The following GNAI1 variants were observed in gnomAD, a reference collection of about 807,000 sequenced individuals.
The protein encoded by GNAI1 is guanine nucleotide-binding protein G(i) subunit alpha-1.
Under a neutral mutation model 38.9 loss-of-function variants are expected in GNAI1, and 11 were observed. The ratio of observed to expected loss-of-function variants is 0.28; its 90% CI spans 0.18 to 0.47. The LOEUF (loss-of-function observed/expected upper bound fraction) is 0.47, where lower values mean the gene tolerates loss of function less well. Among genes scored for constraint, GNAI1 ranks in the 20% least tolerant of loss-of-function variants. GNAI1 has a pLI of 0.99. For synonymous variants in GNAI1, 166 were observed against 145.1 expected, an observed-to-expected ratio of 1.14 and a Z score of -1.04; for missense variants, 317 against 436.9, an observed-to-expected ratio of 0.73 and a Z score of 2.45.
chr7:80,143,742 C>G (rs988294281), intron 1 of GNAI1, among the ~76,000 whole-genome samples: 1 of 152,088 alleles, frequency 6.6e-6, no homozygotes, highest in African/African-American at 2.4e-5. Context: ...TAAGCTAATG[C>G]ATCTGAAGTA....
At position 80,225,202 on chromosome 7, in the gene GNAI1, TG is replaced by T. The variant is rs1161163065; in HGVS notation, c.*7710del. Among the ~76,000 whole-genome samples the T allele has an allele frequency of 6.6e-6, 1 of 152,208 alleles. No individual in the cohort carries two copies. On this transcript the variant is annotated 3_prime_UTR_variant, in exon 8 of 8. Transcript: ENST00000649796. ...TGGTTTGGTGTAATATAGCCTTTCC[TG>T]TGGGGGGAAAACCCATCTCATTTTC...
At chr7:80,201,499 G>T (rs141216588) in intron 4 of GNAI1, among the ~76,000 whole-genome samples, 1 of 152,010 alleles carries the variant, frequency 6.6e-6, no homozygotes, top group African/African-American at 2.4e-5. Context: ...TGAGAGGATC[G>T]CTTGAGCCCA....
At chr7:80,169,467 G>A (rs1324205152) in intron 1 of GNAI1, among the ~76,000 whole-genome samples, 1 of 152,112 alleles carries the variant, frequency 6.6e-6, no homozygotes, top group African/African-American at 2.4e-5. Context: ...TCAGCAAATT[G>A]TGTATTCAGA....
intron 1 of GNAI1, among the ~76,000 whole-genome samples, chr7:80,172,142 T>A (rs1325697312): frequency 6.6e-6 from 1 of 152,234 alleles, no homozygotes; most frequent in Non-Finnish European, 1.5e-5. Context: ...TTGTCCTGGC[T>A]ATGTCTATGA....
intron 1 of GNAI1, among the ~76,000 whole-genome samples, chr7:80,149,956 C>A (rs1204990918): frequency 2.0e-5 from 3 of 152,114 alleles, no homozygotes; most frequent in African/African-American, 7.2e-5. Flanking sequence ...AACCTACATA[C>A]CCTAACAAAG....
chr7:80,199,895 T>G (rs1168121978), intron 4 of GNAI1, among the ~76,000 whole-genome samples: 1 of 152,142 alleles, frequency 6.6e-6, no homozygotes, highest in Non-Finnish European at 1.5e-5. Flanking sequence ...AATTGTCAGT[T>G]GTGTGTGTGC....
intron 1 of GNAI1, among the ~76,000 whole-genome samples, chr7:80,152,736 TA>T (rs1314628379): frequency 3.3e-5 from 5 of 151,866 alleles, no homozygotes; most frequent in Non-Finnish European, 7.4e-5. Flanking sequence ...AATTTTTAAA[TA>T]TTTTTTTAGT....
intron 1 of GNAI1, among the ~76,000 whole-genome samples, chr7:80,180,441 A>T (rs1213379087): frequency 6.6e-6 from 1 of 152,114 alleles, no homozygotes; most frequent in Non-Finnish European, 1.5e-5. Flanking sequence ...TTGATTTGGC[A>T]TACCTCTTCT....
intron 1 of GNAI1, 97 bp downstream of exon 1, chr7:80,135,375 A>G (rs1469045114): frequency 8.8e-6 from 6 of 680,596 alleles, no homozygotes; most frequent in Non-Finnish European, 1.3e-5. Context: ...AAGGGGGAGG[A>G]AGCGCCCGAG....
intron 4 of GNAI1, among the ~76,000 whole-genome samples, chr7:80,202,379 C>T (rs1259775565): frequency 6.6e-6 from 1 of 152,148 alleles, no homozygotes; most frequent in African/African-American, 2.4e-5. Flanking sequence ...CCAGCCACCA[C>T]GCCTGGCGAA....
At position 80,168,197 on chromosome 7, in the gene GNAI1, AG is replaced by A. The variant is rs570955342; in HGVS notation, c.119-20752del. Among the ~76,000 whole-genome samples, 761 of 152,272 alleles carry A rather than the reference AG, an allele frequency of 5.0e-3. 2 individuals are homozygous for A. The highest frequency in any genetic ancestry group is 8.1e-3 in the Non-Finnish European group (554 of 68,028). On this transcript the variant is annotated intron_variant, in intron 1 of 7. Transcript: ENST00000649796. ...GAATATACAAGAAATGGCATTTGAC[AG>A]GTGCTCTAGAAATCTCTAGTCATGT... is the stretch of plus-strand genomic sequence containing the variant.
intron 1 of GNAI1, among the ~76,000 whole-genome samples, chr7:80,168,211 T>G (rs1203513382): frequency 6.6e-6 from 1 of 152,052 alleles, no homozygotes; most frequent in East Asian, 1.9e-4. Flanking sequence ...GCTCTAGAAA[T>G]CTCTAGTCAT....
chr7:80,140,594 A>T (rs2116069606), intron 1 of GNAI1, among the ~76,000 whole-genome samples: 1 of 152,306 alleles, frequency 6.6e-6, no homozygotes, highest in South Asian at 2.1e-4. Flanking sequence ...CCAGAGTATG[A>T]CACAGTGAAG....
chr7:80,195,953 A>G (rs1414494020), intron 3 of GNAI1, among the ~76,000 whole-genome samples: 1 of 151,808 alleles, frequency 6.6e-6, no homozygotes, highest in East Asian at 1.9e-4. Context: ...CTTACCTTTA[A>G]TTATGTCAGA....
intron 3 of GNAI1, among the ~76,000 whole-genome samples, chr7:80,191,633 C>A (rs989381520): frequency 6.6e-6 from 1 of 152,122 alleles, no homozygotes; most frequent in African/African-American, 2.4e-5. Context: ...CTCAAGTAAT[C>A]CGCCCACCTC....
chr7:80,191,071 C>G (rs1363635196), intron 3 of GNAI1, among the ~76,000 whole-genome samples: 1 of 152,026 alleles, frequency 6.6e-6, no homozygotes, highest in Non-Finnish European at 1.5e-5. Flanking sequence ...AGCGATACTT[C>G]AGTAACTGTC....
chr7:80,186,963 T>A (rs2115624286), intron 1 of GNAI1: 1 of 152,330 alleles, frequency 6.6e-6, no homozygotes, highest in South Asian at 2.1e-4. Context: ...TATCTTGGAA[T>A]TGTTTTCATT....
chr7:80,161,962 A>G (rs559907749), intron 1 of GNAI1, among the ~76,000 whole-genome samples: 1 of 152,294 alleles, frequency 6.6e-6, no homozygotes, highest in African/African-American at 2.4e-5. Flanking sequence ...AGGTTATTTA[A>G]TAGTTATCGA....
chr7:80,162,645 C>T (rs1787944036), intron 1 of GNAI1, among the ~76,000 whole-genome samples: 2 of 152,172 alleles, frequency 1.3e-5, no homozygotes, highest in African/African-American at 2.4e-5. Flanking sequence ...AAAATCTCTC[C>T]ACCTACGAAG....
Sources: allele counts gnomAD v4.1 joint callset (sites outside exome capture counted in the v4.1 genomes callset), GRCh38; gene constraint gnomAD v4.1.1; transcripts MANE v1.5; gene names NCBI Gene and HGNC (gene_info 2026-07-23, HGNC 2026-07-21).